SAMD9: variants seen among roughly 807,000 people sequenced by gnomAD.
The protein encoded by SAMD9 is sterile alpha motif domain-containing protein 9.
A neutral mutation model predicts 1.5 loss-of-function variants in SAMD9; 3 were observed. The observed-to-expected ratio is 2.05, with a 90% CI of 0.93 to 5.29. The LOEUF (loss-of-function observed/expected upper bound fraction) is 5.29. Ranked by LOEUF, SAMD9 falls within the 30% of genes most tolerant of loss-of-function variation. SAMD9 has a pLI of 0.02. For synonymous variants in SAMD9, 635 were observed against 631.9 expected (o/e 1.00, Z -0.07); for missense variants, 1,597 against 1,820.8 (o/e 0.88, Z 2.24).
rs1791534029 is a variant in SAMD9 at position 93,101,757 on chromosome 7, A to G, written c.4341T>C (p.Asp1447=). 2.5e-6 allele frequency: 4 copies of G among 1,613,652 alleles called. No individual in the cohort carries two copies. The highest frequency in any genetic ancestry group is 3.4e-6 in the Non-Finnish European group (4 of 1,179,760). The change falls in exon 3 of 3, where the codon GAT becomes GAC. Residue 1447 remains aspartate (D), a synonymous_variant. Coordinates refer to ENST00000379958, the MANE Select transcript of SAMD9 (RefSeq NM_017654.4). ...ACTCTTTCATTTGTTCAGAATGTTG[A>G]TCTAGTTGTTGATTTTCTGGCCAGA... ...LLFWPENQQL[D]QHSEQMKEYA...
Position 93,104,754 on chromosome 7 carries a change from G to T in SAMD9, c.1344C>A (p.Ile448=), listed in dbSNP as rs756486791. 4.3e-6 allele frequency: 7 copies of T among 1,613,674 alleles called. No individual in the cohort carries two copies. The East Asian group carries it at 1.6e-4, about 36-fold the overall frequency. The change falls in exon 3 of 3, where the codon ATC becomes ATA. Residue 448 remains isoleucine, a synonymous_variant. Coordinates refer to ENST00000379958, the MANE Select transcript of SAMD9 (RefSeq NM_017654.4). ...CTTTGTAAGCTTTGACCACTCCATTGATGTTAGACTCAGGATCAAACTCCA... is the reference window on the plus strand; with the variant it reads ...CTTTGTAAGCTTTGACCACTCCATTTATGTTAGACTCAGGATCAAACTCCA... ...AVLEFDPESN[I]NGVVKAYKES... is the part of the protein sequence containing the mutation.
rs2116413404 is a variant in SAMD9 at position 93,102,168 on chromosome 7, T to C, written c.3930A>G (p.Leu1310=). Residue 1310 remains leucine (L), a synonymous_variant, in exon 3 of 3, where the codon TTA becomes TTG. Coordinates refer to ENST00000379958, the MANE Select transcript of SAMD9 (RefSeq NM_017654.4). ...FKKYVDIFCL[L]EESQNNTGLG... ...GACCTGTGTTGTTTTGTGATTCTTCTAAGAGACAAAATATATCTACATATT... is the reference window on the plus strand; with the variant it reads ...GACCTGTGTTGTTTTGTGATTCTTCCAAGAGACAAAATATATCTACATATT... 1 of 1,613,634 alleles carries C rather than the reference T, an allele frequency of 6.2e-7. No individual in the cohort carries two copies. The highest frequency in any genetic ancestry group is 2.2e-5 in the East Asian group (1 of 44,858).
chr7:93,116,502 T>C (rs1791835492), intron 1 of SAMD9, among the ~76,000 whole-genome samples: 1 of 152,252 alleles, frequency 6.6e-6, no homozygotes, highest in South Asian at 2.1e-4. Flanking sequence ...TTGATAGCTG[T>C]GCCTTTCAAT....
intron 1 of SAMD9, among the ~76,000 whole-genome samples, chr7:93,115,753 T>C (rs761112595): frequency 2.0e-5 from 3 of 152,170 alleles, no homozygotes; most frequent in Non-Finnish European, 4.4e-5. Context: ...AAAAAGATGA[T>C]GGTGTGTTAT....
In SAMD9 at chr7:93,106,682, A is replaced by C. The variant is rs73710954; in HGVS notation, c.-8-577T>G. Among the ~76,000 whole-genome samples the C allele has an allele frequency of 7.4e-3, 1,124 of 152,354 alleles. 15 individuals carry two copies. Among genetic ancestry groups the C allele is most frequent in the African/African-American group, 0.025 (1,058 of 41,580 alleles). On this transcript the variant is annotated intron_variant, in intron 2 of 2. Transcript: ENST00000379958. ...TTTTCAGGTCTAAATTTGGTTACCT[A>C]TTTGGTGACACCCATTCTAATCATT...
At chr7:93,117,052 CT>C (rs1791842946) in intron 1 of SAMD9, among the ~76,000 whole-genome samples, 1 of 152,184 alleles carries the variant, frequency 6.6e-6, no homozygotes, top group African/African-American at 2.4e-5. Context: ...GAACATAAAG[CT>C]GCCTTAATTC....
chr7:93,107,752 A>G lies in SAMD9; in HGVS notation c.-8-1647T>C, dbSNP rs73216090. ...AGAGCCATGGTCCAAGGTTTAAGCT[A>G]TTATTTTTTTCATATGTAACTACGG... On this transcript the variant is annotated intron_variant, in intron 2 of 2. Transcript: ENST00000379958. 2.7e-3 allele frequency among the ~76,000 whole-genome samples: 411 copies of G among 152,340 alleles called. 2 individuals carry two copies. Among genetic ancestry groups the G allele is most frequent in the Non-Finnish European group, 4.8e-3 (324 of 68,034 alleles).
chr7:93,105,188 C>G lies in SAMD9; in HGVS notation c.910G>C (p.Val304Leu), dbSNP rs1314705285. Residue 304 changes from valine to leucine, a missense_variant, in exon 3 of 3, where the codon GTT (valine) becomes CTT (leucine). This residue lies in a region of SAMD9 where 498 missense variants were observed against 457.4 expected (regional missense o/e 1.09). Coordinates refer to ENST00000379958, the MANE Select transcript of SAMD9 (RefSeq NM_017654.4). ...LPNSTLSDRF[V>L]IEVDIIPQFS... is the part of the protein sequence containing the mutation. ...TGTGGAATAATGTCCACTTCAATAACAAATCTGTCAGATAGAGTACTATTT... is the reference window on the plus strand; with the variant it reads ...TGTGGAATAATGTCCACTTCAATAAGAAATCTGTCAGATAGAGTACTATTT... 1 of 1,613,722 alleles carries G rather than the reference C, an allele frequency of 6.2e-7. No homozygotes were observed. Among genetic ancestry groups the G allele is most frequent in the Non-Finnish European group, 8.5e-7 (1 of 1,179,960 alleles).
rs1351999472 is a variant in SAMD9, at chr7:93,105,065, C to T, written c.1033G>A (p.Asp345Asn). 5 of 1,613,862 alleles carry T rather than the reference C, an allele frequency of 3.1e-6. No individual in the cohort carries two copies. Among genetic ancestry groups the T allele is most frequent in the African/African-American group, 1.3e-5 (1 of 74,902 alleles). The change falls in exon 3 of 3, where the codon GAT becomes AAT. Residue 345 changes from aspartate (D) to asparagine (N), a missense_variant. Asp to Asn is a conservative substitution (Grantham distance 23, BLOSUM62 1). This residue lies in a region of SAMD9 where 498 missense variants were observed against 457.4 expected (regional missense o/e 1.09). Coordinates refer to ENST00000379958, the MANE Select transcript of SAMD9 (RefSeq NM_017654.4). ...GTAATGTCCTTAGAGCTGGTCCCAT[C>T]TCGCACAAATAGTGAGAATTTTTTA... is the stretch of plus-strand genomic sequence containing the variant. ...QSKKFSLFVR[D>N]GTSSKDITKN... is the part of the protein sequence containing the mutation.
At position 93,103,662 on chromosome 7, in the gene SAMD9, G is replaced by A. The variant is rs146964145; in HGVS notation, c.2436C>T (p.Tyr812=). ...EEQDNVYLLQ[Y]SIQTAIAKKY... is the part of the protein sequence containing the mutation. ...TTTTAGCTATAGCTGTTTGAATAGA[G>A]TACTGCAGAAGATAGACATTATCTT... The change falls in exon 3 of 3, where the codon TAC becomes TAT. Residue 812 remains tyrosine (Y), a synonymous_variant. Transcript: ENST00000379958. The A allele has an allele frequency of 2.1e-4, 340 of 1,613,774 alleles. No homozygotes were observed. The highest frequency in any genetic ancestry group is 2.7e-4 in the Admixed American group (16 of 60,006).
In SAMD9 at chr7:93,102,832, G is replaced by T; in HGVS notation, c.3266C>A (p.Ala1089Glu). ...CTTCTTTTTAATGTAGAAATGTCTT[G>T]CCAACGCTTGGCAAATGAATGCATT... ...NPNAFICQAL[A>E]RHFYIKKKDF... Residue 1089 changes from alanine (A) to glutamate (E), a missense_variant, in exon 3 of 3, where the codon GCA becomes GAA. Coordinates refer to ENST00000379958, the MANE Select transcript of SAMD9 (RefSeq NM_017654.4). 5.6e-6 allele frequency: 9 copies of T among 1,613,748 alleles called. No homozygotes were observed. The highest frequency in any genetic ancestry group is 7.6e-6 in the Non-Finnish European group (9 of 1,179,770).
Position 93,102,921 on chromosome 7 carries a change from A to G in SAMD9, c.3177T>C (p.His1059=), listed in dbSNP as rs188451434. ...NWFSPFIEAL[H]KDEGNEAVEA... ...CAACTGCTTCATTTCCTTCATCTTT[A>G]TGTAATGCTTCAATAAATGGGGAAA... Residue 1059 remains histidine, a synonymous_variant, in exon 3 of 3, where the codon CAT becomes CAC. Coordinates refer to ENST00000379958, the MANE Select transcript of SAMD9 (RefSeq NM_017654.4). 4 of 1,613,864 alleles carry G rather than the reference A, an allele frequency of 2.5e-6. No individual in the cohort carries two copies. In the East Asian group the frequency reaches 8.9e-5, roughly 36 times the overall value.
intron 2 of SAMD9, among the ~76,000 whole-genome samples, chr7:93,106,448 G>T (rs1329430026): frequency 6.6e-6 from 1 of 152,148 alleles, no homozygotes; most frequent in African/African-American, 2.4e-5. Context: ...ATGTGTGTTT[G>T]CTGTATTATT....
In SAMD9 at chr7:93,105,409, C is replaced by T. The variant is rs201086023; in HGVS notation, c.689G>A (p.Arg230His). The T allele has an allele frequency of 8.4e-5, 135 of 1,613,978 alleles. 1 individual carries two copies. Among genetic ancestry groups the T allele is most frequent in the East Asian group, 2.0e-4 (9 of 44,844 alleles). The change falls in exon 3 of 3, where the codon CGT (arginine) becomes CAT (histidine). Residue 230 changes from arginine to histidine, a missense_variant. Coordinates refer to ENST00000379958, the MANE Select transcript of SAMD9 (RefSeq NM_017654.4). ...TCCAAAATGAATAGTGCCATTGGTACGTGAATTCATACAAGCTGAAGCAAA... is the reference window on the plus strand; with the variant it reads ...TCCAAAATGAATAGTGCCATTGGTATGTGAATTCATACAAGCTGAAGCAAA... ...FRFASACMNS[R>H]TNGTIHFGVK...
In SAMD9 at chr7:93,102,037, CT is replaced by C; in HGVS notation, c.4060del (p.Ser1354ValfsTer6). 6.2e-7 allele frequency: 1 copy of C among 1,613,306 alleles called. No individual in the cohort carries two copies. The highest frequency in any genetic ancestry group is 8.5e-7 in the Non-Finnish European group (1 of 1,179,702). On this transcript the variant is annotated frameshift_variant, in exon 3 of 3. Transcript: ENST00000379958. LOFTEE classifies it low-confidence loss of function (END_TRUNC). Reference sequence around the variant, plus strand: ...CATAGTGCTTATAGCATCCTCTTGACTTTTGATAAGATATTCCAAGAGCCCA... The same window carrying C: ...CATAGTGCTTATAGCATCCTCTTGACTTTGATAAGATATTCCAAGAGCCCA... Reference protein sequence around the residue: ...FSGLLEYLIKSQEDAISTMKC... With the variant: ...FSGLLEYLIKXQEDAISTMKC...
intron 2 of SAMD9, among the ~76,000 whole-genome samples, chr7:93,113,449 A>C (rs926688910): frequency 2.6e-5 from 4 of 152,246 alleles, no homozygotes; most frequent in Admixed American, 6.5e-5. Flanking sequence ...CAAAATTGAC[A>C]AATGGGATCT....
chr7:93,106,723 A>G (rs949160026), intron 2 of SAMD9, among the ~76,000 whole-genome samples: 7 of 152,236 alleles, frequency 4.6e-5, no homozygotes, highest in Non-Finnish European at 8.8e-5. Context: ...TCTCCATTGA[A>G]GAAACATCAG....
Position 93,105,903 on chromosome 7 carries a change from A to G in SAMD9, c.195T>C (p.Ile65=). The G allele has an allele frequency of 6.2e-7, 1 of 1,614,100 alleles. No homozygotes were observed. The highest frequency in any genetic ancestry group is 8.5e-7 in the Non-Finnish European group (1 of 1,180,012). The change falls in exon 3 of 3, where the codon ATT becomes ATC. Residue 65 remains isoleucine, a synonymous_variant. Transcript: ENST00000379958. The part of the protein sequence containing the change: ...VDMGITHGPA[I]QIEELFKELR... ...ATTCTTTGAATAGTTCTTCTATTTG[A>G]ATAGCTGGTCCATGTGTGATGCCCA...
At position 93,102,662 on chromosome 7, in the gene SAMD9, C is replaced by A. The variant is rs746851927; in HGVS notation, c.3436G>T (p.Val1146Phe). ...TCCAAAAGAGCAATTAGATCATCAA[C>A]TGAAATGTTCCCGTTTCCTCCGTTT... ...EENGGNGNIS[V>F]DDLIALLDLA... Residue 1146 changes from valine to phenylalanine, a missense_variant, in exon 3 of 3, where the codon GTT becomes TTT. Val to Phe is a conservative substitution (Grantham distance 50). Coordinates refer to ENST00000379958, the MANE Select transcript of SAMD9 (RefSeq NM_017654.4). 1.2e-6 allele frequency: 2 copies of A among 1,613,874 alleles called. No individual in the cohort carries two copies. The highest frequency in any genetic ancestry group is 1.7e-6 in the Non-Finnish European group (2 of 1,179,818).
Sources: allele counts gnomAD v4.1 joint callset (sites outside exome capture counted in the v4.1 genomes callset), GRCh38; gene constraint gnomAD v4.1.1; regional missense constraint gnomAD v4.1.1; transcripts MANE v1.5; gene names NCBI Gene and HGNC (gene_info 2026-07-23, HGNC 2026-07-21).